The following GPRIN3 variants were observed in gnomAD, a reference collection of about 807,000 sequenced individuals.
GPRIN3 encodes the protein G protein-regulated inducer of neurite outgrowth 3.
GPRIN3 carries 12 observed loss-of-function variants against 13.7 expected under a neutral mutation model. The observed-to-expected ratio is 0.87, with a 90% CI of 0.56 to 1.42. The LOEUF is 1.42. Among genes scored for constraint, GPRIN3 ranks in the 40% most tolerant of loss-of-function variants. GPRIN3 has a pLI of 0.00. For synonymous variants in GPRIN3, 377 were observed against 372.7 expected, an observed-to-expected ratio of 1.01 and a Z score of -0.13; for missense variants, 1,009 against 958.7, an observed-to-expected ratio of 1.05 and a Z score of -0.69.
intron 1 of GPRIN3, among the ~76,000 whole-genome samples, chr4:89,264,360 C>T (rs1482802327): frequency 1.3e-5 from 2 of 152,154 alleles, no homozygotes; most frequent in Non-Finnish European, 2.9e-5. Context: ...CAGCCTGAAG[C>T]CTTCCCCAGA....
chr4:89,265,874 G>A (rs1723765589), intron 1 of GPRIN3, among the ~76,000 whole-genome samples: 1 of 152,092 alleles, frequency 6.6e-6, no homozygotes, highest in Admixed American at 6.5e-5. Context: ...ATGTAATATA[G>A]TTTGTAACTA....
chr4:89,293,292 T>G (rs1455375032), intron 1 of GPRIN3, among the ~76,000 whole-genome samples: 2 of 152,236 alleles, frequency 1.3e-5, no homozygotes, highest in Non-Finnish European at 2.9e-5. Flanking sequence ...TACCACTGTC[T>G]TAGATCTGAT....
intron 1 of GPRIN3, among the ~76,000 whole-genome samples, chr4:89,300,798 C>T (rs551097223): frequency 6.6e-6 from 1 of 152,246 alleles, no homozygotes; most frequent in East Asian, 1.9e-4. Context: ...AGAACAATCA[C>T]CCATACCCAC....
In GPRIN3 at chr4:89,248,065, C is replaced by T. The variant is rs1404705823; in HGVS notation, c.2046G>A (p.Arg682=). 2.5e-6 allele frequency: 4 copies of T among 1,614,102 alleles called. No individual in the cohort carries two copies. Among genetic ancestry groups the T allele is most frequent in the East Asian group, 2.2e-5 (1 of 44,852 alleles). ...KLQLKQSKRV[R]DVVWDEQGMT... is the part of the protein sequence containing the mutation. ...TTCCCTGCTCATCCCACACGACGTC[C>T]CTGACACGCTTGGACTGTTTCAGCT... is the stretch of plus-strand genomic sequence containing the variant. The change falls in exon 2 of 2, where the codon AGG becomes AGA. Residue 682 remains arginine (R), a synonymous_variant. Coordinates refer to ENST00000609438, the MANE Select transcript of GPRIN3 (RefSeq NM_198281.3).
chr4:89,261,682 G>T (rs939092551), intron 1 of GPRIN3, among the ~76,000 whole-genome samples: 2 of 152,136 alleles, frequency 1.3e-5, no homozygotes, highest in Non-Finnish European at 2.9e-5. Flanking sequence ...TATGCACAAG[G>T]TTTTTCACTA....
At chr4:89,284,222 GA>G (rs1304036777) in intron 1 of GPRIN3, among the ~76,000 whole-genome samples, 1 of 152,226 alleles carries the variant, frequency 6.6e-6, no homozygotes, top group Non-Finnish European at 1.5e-5. Context: ...GTGGGTGGAA[GA>G]GGCCACTAAA....
intron 1 of GPRIN3, among the ~76,000 whole-genome samples, chr4:89,276,448 C>T (rs1165863900): frequency 6.6e-6 from 1 of 152,088 alleles, no homozygotes; most frequent in South Asian, 2.1e-4. Context: ...TTGAATTTTG[C>T]TTTTGCTTAT....
At chr4:89,267,619 C>T (rs932132524) in intron 1 of GPRIN3, among the ~76,000 whole-genome samples, 11 of 152,186 alleles carry the variant, frequency 7.2e-5, no homozygotes, top group Non-Finnish European at 1.6e-4. Context: ...ACATTCTTTC[C>T]TGTCTGGGCC....
intron 1 of GPRIN3, among the ~76,000 whole-genome samples, chr4:89,294,721 T>C (rs1724686068): frequency 6.6e-6 from 1 of 152,186 alleles, no homozygotes; most frequent in African/African-American, 2.4e-5. Flanking sequence ...TTTCTCACTG[T>C]TATATAGAAA....
rs368873103 is a variant in GPRIN3, at chr4:89,248,623, T to G, written c.1488A>C (p.Ala496=). The part of the protein sequence containing the change: ...GKFETRPSEF[A]EKTTNGHKTD... The stretch of plus-strand genomic sequence containing the variant: ...TTTTGTGGCCGTTTGTCGTTTTCTC[T>G]GCAAACTCAGATGGCCTGGTTTCAA... The change falls in exon 2 of 2, where the codon GCA becomes GCC. Residue 496 remains alanine (A), a synonymous_variant. Transcript: ENST00000609438. The G allele has an allele frequency of 6.2e-7, 1 of 1,614,056 alleles. No homozygotes were observed. Among genetic ancestry groups the G allele is most frequent in the African/African-American group, 1.3e-5 (1 of 74,940 alleles).
chr4:89,249,602 G>C lies in GPRIN3; in HGVS notation c.509C>G (p.Pro170Arg), dbSNP rs1723255714. ...RTSNREQPEK[P>R]SCPVGGVLSS... ...GAGGACGCCTCCCACAGGACAACTT[G>C]GTTTCTCAGGTTGCTCTCTATTTGA... Residue 170 changes from proline to arginine, a missense_variant, in exon 2 of 2, where the codon CCA becomes CGA. Coordinates refer to ENST00000609438, the MANE Select transcript of GPRIN3 (RefSeq NM_198281.3). The C allele has an allele frequency of 6.2e-7, 1 of 1,613,978 alleles. No individual in the cohort carries two copies. Among genetic ancestry groups the C allele is most frequent in the African/African-American group, 1.3e-5 (1 of 74,896 alleles).
intron 1 of GPRIN3, among the ~76,000 whole-genome samples, chr4:89,284,569 A>C (rs1489613649): frequency 6.6e-6 from 1 of 152,182 alleles, no homozygotes; most frequent in African/African-American, 2.4e-5. Flanking sequence ...CAATAATATT[A>C]GTGATTATGG....
At chr4:89,255,945 C>T (rs1723453305) in intron 1 of GPRIN3, among the ~76,000 whole-genome samples, 1 of 152,212 alleles carries the variant, frequency 6.6e-6, no homozygotes, top group Admixed American at 6.5e-5. Flanking sequence ...TGACAGCAGA[C>T]TCTTTTGGCA....
At chr4:89,305,714 T>C (rs1725015777) in intron 1 of GPRIN3, among the ~76,000 whole-genome samples, 1 of 152,230 alleles carries the variant, frequency 6.6e-6, no homozygotes, top group African/African-American at 2.4e-5. Context: ...CTTTTAAGTA[T>C]GTTGAGGCAT....
At chr4:89,259,591 T>G (rs1723570355) in intron 1 of GPRIN3, among the ~76,000 whole-genome samples, 1 of 152,224 alleles carries the variant, frequency 6.6e-6, no homozygotes. Flanking sequence ...AGGATATATT[T>G]AGCACCAGTA....
Position 89,263,918 on chromosome 4 carries a change from T to C in GPRIN3, c.-123-13685A>G, listed in dbSNP as rs141936419. On this transcript the variant is annotated intron_variant, in intron 1 of 1. Transcript: ENST00000609438. ...AGAATGGGAAATAAACATGAACTCA[T>C]AATGTATGGGGATAAAAGAAAACAT... 5.7e-3 allele frequency among the ~76,000 whole-genome samples: 875 copies of C among 152,252 alleles called. 10 individuals are homozygous for C. The highest frequency in any genetic ancestry group is 0.02 in the African/African-American group (843 of 41,548).
At chr4:89,253,014 A>G (rs1723370601) in intron 1 of GPRIN3, among the ~76,000 whole-genome samples, 1 of 126,704 alleles carries the variant, frequency 7.9e-6, no homozygotes, top group African/African-American at 2.9e-5. Context: ...TTTCTCAAAA[A>G]AGAAAAAAAA....
Position 89,249,360 on chromosome 4 carries a change from A to G in GPRIN3, c.751T>C (p.Ser251Pro), listed in dbSNP as rs1429443767. ...CCTTGGGGGCCCGAGGCAGTGACAG[A>G]GGGCTGCTTGTTCTCTGAACATCCA... ...ESGCSENKQP[S>P]VTASGPQGTT... The change falls in exon 2 of 2, where the codon TCT becomes CCT. Residue 251 changes from serine (S) to proline (P), a missense_variant. Coordinates refer to ENST00000609438, the MANE Select transcript of GPRIN3 (RefSeq NM_198281.3). 1 of 1,613,978 alleles carries G rather than the reference A, an allele frequency of 6.2e-7. No individual in the cohort carries two copies. Among genetic ancestry groups the G allele is most frequent in the Non-Finnish European group, 8.5e-7 (1 of 1,180,018 alleles).
rs140068969 is a variant in GPRIN3, at chr4:89,249,133, C to T, written c.978G>A (p.Ala326=). 67 of 1,614,068 alleles carry T rather than the reference C, an allele frequency of 4.2e-5. No individual in the cohort carries two copies. Among genetic ancestry groups the T allele is most frequent in the Admixed American group, 2.5e-4 (15 of 60,006 alleles). Residue 326 remains alanine, a synonymous_variant, in exon 2 of 2, where the codon GCG becomes GCA. Transcript: ENST00000609438. ...TGGAGACGGATCTGCTCTCGACACTCGCCACTGCCTGCACCTCCGCATCTT... is the reference window on the plus strand; with the variant it reads ...TGGAGACGGATCTGCTCTCGACACTTGCCACTGCCTGCACCTCCGCATCTT... ...AWQDAEVQAV[A]SVESRSVSTS...
Sources: gnomAD v4.1 joint callset for allele counts (sites outside exome capture counted in the v4.1 genomes callset) on GRCh38, gnomAD v4.1.1 for gene constraint, MANE v1.5 for transcripts, NCBI Gene and HGNC (gene_info 2026-07-23, HGNC 2026-07-21) for gene names.